ANKMY1: variants seen among roughly 807,000 people sequenced by gnomAD.
ANKMY1 encodes ankyrin repeat and MYND domain-containing protein 1.
ANKMY1 carries 98 observed loss-of-function variants against 102.0 expected under a neutral mutation model. The ratio of observed to expected loss-of-function variants is 0.96; its 90% CI spans 0.82 to 1.14. The LOEUF (loss-of-function observed/expected upper bound fraction) is 1.14. Ranked by LOEUF, ANKMY1 falls within the 50% of genes most tolerant of loss-of-function variation. ANKMY1 has a pLI of 0.00. For synonymous variants in ANKMY1, 582 were observed against 559.9 expected (o/e 1.04, Z -0.56); for missense variants, 1,330 against 1,347.6 (o/e 0.99, Z 0.20).
rs758260890 is a variant in ANKMY1 at position 240,507,707 on chromosome 2, C to G, written c.2395-16G>C. 19 of 1,584,840 alleles carry G rather than the reference C, an allele frequency of 1.2e-5. 1 individual carries two copies. In the South Asian group the frequency reaches 2.2e-4, roughly 19 times the overall value. On this transcript the variant is annotated splice_polypyrimidine_tract_variant and intron_variant, in intron 12 of 17. Coordinates refer to ENST00000401804, the MANE Select transcript of ANKMY1 (RefSeq NM_001282771.3). ...CCTTCACAACCTGAACATACACAGA[C>G]AGTCTCATCAGTGGCCACCATGTCA...
chr2:240,555,028 T>G lies in ANKMY1; in HGVS notation c.174A>C (p.Glu58Asp). 6.2e-7 allele frequency: 1 copy of G among 1,614,074 alleles called. No homozygotes were observed. The highest frequency in any genetic ancestry group is 8.5e-7 in the Non-Finnish European group (1 of 1,179,976). Residue 58 changes from glutamate (E) to aspartate (D), a missense_variant, in exon 3 of 18, where the codon GAA becomes GAC. Glu to Asp is a conservative substitution (Grantham distance 45, BLOSUM62 2). Transcript: ENST00000401804. ...TRDVSAAPEKEEEEAEGPLRA... is the reference protein window; with the variant it reads ...TRDVSAAPEKDEEEAEGPLRA... Reference sequence around the variant, plus strand: ...TCAGCGGGCCCTCAGCTTCCTCCTCTTCCTTCTCAGGGGCTGCTGAAACAT... The same window carrying G: ...TCAGCGGGCCCTCAGCTTCCTCCTCGTCCTTCTCAGGGGCTGCTGAAACAT...
At position 240,529,015 on chromosome 2, in the gene ANKMY1, G is replaced by T. The variant is rs1196048170; in HGVS notation, c.953+22C>A. On this transcript the variant is annotated intron_variant, in intron 5 of 17. Coordinates refer to ENST00000401804, the MANE Select transcript of ANKMY1 (RefSeq NM_001282771.3). This position sits in a 1 kb window ranked among gnomAD's most constrained non-coding sequence, Gnocchi z 4.2. ...CTGCACAGTGCACGGCCCTAGGGGA[G>T]GAGCAGTAGCAGACTAGTCACCTGA... 1 of 1,609,340 alleles carries T rather than the reference G, an allele frequency of 6.2e-7. No individual in the cohort carries two copies. The highest frequency in any genetic ancestry group is 8.5e-7 in the Non-Finnish European group (1 of 1,176,088).
At chr2:240,497,548 C>T (rs2077424449) in intron 15 of ANKMY1, among the ~76,000 whole-genome samples, 1 of 152,198 alleles carries the variant, frequency 6.6e-6, no homozygotes. Context: ...ATGCTGTGTG[C>T]TCTTTAGATC....
chr2:240,469,534 TCAGCC>T, the ANKMY1 span, among the ~76,000 whole-genome samples: 1 of 152,186 alleles, frequency 6.6e-6, no homozygotes. Flanking sequence ...CTTGAGCAGC[TCAGCC>T]CAGCCGTGGT....
At position 240,520,190 on chromosome 2, in the gene ANKMY1, A is replaced by C; in HGVS notation, c.2004+172T>G. On this transcript the variant is annotated intron_variant, in intron 9 of 17. Coordinates refer to ENST00000401804, the MANE Select transcript of ANKMY1 (RefSeq NM_001282771.3). This position sits in a 1 kb window ranked among gnomAD's most constrained non-coding sequence, Gnocchi z 4.8. ...AATCCTGTCTGGGGACATGGGTGAA[A>C]GAGCGGGCTGTGGGACCCCCCACTG... The C allele has an allele frequency of 1.0e-6, 1 of 961,624 alleles. No homozygotes were observed. Among genetic ancestry groups the C allele is most frequent in the Non-Finnish European group, 1.6e-6 (1 of 609,914 alleles). The allele number at this position is 961,624 out of a possible 1,614,324, so 59.6% of individuals were successfully genotyped here.
chr2:240,535,197 T>C (rs2086429423), intron 4 of ANKMY1, among the ~76,000 whole-genome samples: 1 of 152,190 alleles, frequency 6.6e-6, no homozygotes, highest in Admixed American at 6.5e-5. Context: ...TTATATGTTT[T>C]AGGGAGGCAT....
At chr2:240,543,079 G>C (rs1559367474) in intron 4 of ANKMY1, among the ~76,000 whole-genome samples, 1 of 152,084 alleles carries the variant, frequency 6.6e-6, no homozygotes, top group Non-Finnish European at 1.5e-5. Context: ...GCTGGGCACA[G>C]TGGCTCATGC....
chr2:240,486,909 A>G (rs923583312), intron 15 of ANKMY1, among the ~76,000 whole-genome samples: 3 of 152,164 alleles, frequency 2.0e-5, no homozygotes, highest in African/African-American at 4.8e-5. Context: ...CACAAATATT[A>G]TTATTATTAT....
chr2:240,547,276 G>A (rs922379151), intron 4 of ANKMY1, among the ~76,000 whole-genome samples: 4 of 152,094 alleles, frequency 2.6e-5, no homozygotes, highest in African/African-American at 4.8e-5. Context: ...GGTACATAAC[G>A]AAATGAAGGC....
chr2:240,531,198 T>C (rs989122245), intron 4 of ANKMY1, among the ~76,000 whole-genome samples: 6 of 152,164 alleles, frequency 3.9e-5, no homozygotes, highest in East Asian at 3.8e-4. Flanking sequence ...ACATACCACA[T>C]ACACCCATGA....
At position 240,520,332 on chromosome 2, in the gene ANKMY1, G is replaced by C. The variant is rs574064131; in HGVS notation, c.2004+30C>G. On this transcript the variant is annotated intron_variant, in intron 9 of 17. Coordinates refer to ENST00000401804, the MANE Select transcript of ANKMY1 (RefSeq NM_001282771.3). The surrounding 1 kb of genome is among the most constrained non-coding windows in gnomAD (Gnocchi z 4.8). The stretch of plus-strand genomic sequence containing the variant: ...CAGTGCCCGGGAGTCTGCTGCGCTC[G>C]TCCCGGCGCCCGCCCGCCGCGGCTC... 49 of 1,512,010 alleles carry C rather than the reference G, an allele frequency of 3.2e-5. No homozygotes were observed. The East Asian group carries it at 6.7e-4, about 21-fold the overall frequency. The allele number at this position is 1,512,010 out of a possible 1,614,324, so 93.7% of individuals were successfully genotyped here.
intron 15 of ANKMY1, among the ~76,000 whole-genome samples, chr2:240,495,981 T>G (rs1360764110): frequency 6.6e-6 from 1 of 152,238 alleles, no homozygotes; most frequent in Non-Finnish European, 1.5e-5. Context: ...TGAGTGTGAC[T>G]GTCTGTACAC....
downstream of ANKMY1, among the ~76,000 whole-genome samples, chr2:240,476,534 G>C (rs2074867118): frequency 1.3e-5 from 2 of 152,148 alleles, no homozygotes; most frequent in South Asian, 4.2e-4. Context: ...CACAGGGCCG[G>C]TGAAGAGGAG....
chr2:240,556,070 G>A (rs2125233035), intron 2 of ANKMY1, among the ~76,000 whole-genome samples: 1 of 152,282 alleles, frequency 6.6e-6, no homozygotes, highest in South Asian at 2.1e-4. Context: ...ACATGGTAGT[G>A]AGAGAGGATG....
intron 15 of ANKMY1, among the ~76,000 whole-genome samples, chr2:240,487,600 A>G (rs914891937): frequency 5.3e-5 from 8 of 152,152 alleles, no homozygotes; most frequent in Admixed American, 2.6e-4. Flanking sequence ...AGCATATAAG[A>G]GTTCCCTTTC....
intron 4 of ANKMY1, among the ~76,000 whole-genome samples, chr2:240,548,153 A>T (rs2124987612): frequency 1.3e-5 from 2 of 152,272 alleles, no homozygotes; most frequent in South Asian, 4.1e-4. Context: ...CACATCAAAA[A>T]GCTTATCCAC....
chr2:240,495,960 A>G (rs1335218314), intron 15 of ANKMY1, among the ~76,000 whole-genome samples: 2 of 152,146 alleles, frequency 1.3e-5, no homozygotes, highest in African/African-American at 4.8e-5. Context: ...TCTCTCTTGG[A>G]TAATGTACTT....
At chr2:240,526,768 C>G in intron 5 of ANKMY1, 1 of 1,268,170 alleles carries the variant, frequency 7.9e-7, no homozygotes, top group South Asian at 1.6e-5. Flanking sequence ...GCTGTAACAG[C>G]AAAGGCCCTG....
At chr2:240,537,347 A>G (rs1446033460) in intron 4 of ANKMY1, among the ~76,000 whole-genome samples, 1 of 152,246 alleles carries the variant, frequency 6.6e-6, no homozygotes, top group African/African-American at 2.4e-5. Flanking sequence ...TTCCGATACA[A>G]AAAACAATAT....
Sources: allele counts gnomAD v4.1 joint callset (sites outside exome capture counted in the v4.1 genomes callset), GRCh38; gene constraint gnomAD v4.1.1; non-coding constraint Gnocchi (gnomAD v3.1); transcripts MANE v1.5; gene names NCBI Gene and HGNC (gene_info 2026-07-23, HGNC 2026-07-21).